The following LRIF1 variants were observed in gnomAD, a reference collection of about 807,000 sequenced individuals.
LRIF1 encodes ligand dependent nuclear receptor interacting factor 1.
In LRIF1, 32 loss-of-function variants were observed where a neutral mutation model predicts 52.7. That is an observed-to-expected ratio of 0.61 (90% confidence interval 0.46 to 0.82). The LOEUF (loss-of-function observed/expected upper bound fraction) is 0.82, where lower values mean the gene tolerates loss of function less well. LRIF1 is among the 40% of genes least tolerant of loss of function. The probability of loss-of-function intolerance (pLI) is 0.00; values close to 1 mark genes in which losing one functional copy is unlikely to be tolerated. For synonymous variants in LRIF1, 323 were observed against 317.4 expected (o/e 1.02, Z -0.19); for missense variants, 887 against 892.0 (o/e 0.99, Z 0.07).
chr1:110,948,020 T>C lies in LRIF1; in HGVS notation c.2249A>G (p.Gln750Arg). ...IRDEKIRRLK[Q>R]VLREKEAALE... ...AGCTGCTTCTTTCTCTCTCAGCACC[T>C]GCTTAAGTCTTCTTATTTTTTCATC... The change falls in exon 4 of 4, where the codon CAG (glutamine) becomes CGG (arginine). Residue 750 changes from glutamine to arginine, a missense_variant. Transcript: ENST00000369763. The C allele has an allele frequency of 3.1e-6, 5 of 1,610,252 alleles. No individual in the cohort carries two copies. Among genetic ancestry groups the C allele is most frequent in the Non-Finnish European group, 4.2e-6 (5 of 1,178,784 alleles).
chr1:110,959,113 C>T (rs1658840975), intron 1 of LRIF1, among the ~76,000 whole-genome samples: 1 of 152,206 alleles, frequency 6.6e-6, no homozygotes, highest in Non-Finnish European at 1.5e-5. Flanking sequence ...ATCCCATTTT[C>T]TAGTCTGGTC....
At chr1:110,922,933 A>G in the LRIF1 span, among the ~76,000 whole-genome samples, 1 of 152,116 alleles carries the variant, frequency 6.6e-6, no homozygotes, top group East Asian at 1.9e-4. Context: ...TCTCCTCCAT[A>G]GTCAAAGCTC....
chr1:110,886,604 T>A, the LRIF1 span, among the ~76,000 whole-genome samples: 1 of 152,002 alleles, frequency 6.6e-6, no homozygotes, highest in Non-Finnish European at 1.5e-5. Context: ...ATCCCAGCAC[T>A]TTGGGAGGCC....
the LRIF1 span, among the ~76,000 whole-genome samples, chr1:110,895,948 T>C: frequency 6.6e-6 from 1 of 152,294 alleles, no homozygotes; most frequent in Admixed American, 6.5e-5. Context: ...AATTTCTTAA[T>C]ACCACTAATA....
At position 110,947,848 on chromosome 1, in the gene LRIF1, A is replaced by G; in HGVS notation, c.*111T>C. The stretch of plus-strand genomic sequence containing the variant: ...TAAAGTTGTACAATCGACTGATGAA[A>G]AAACAAGCTTCATATTCAAAGACAC... On this transcript the variant is annotated 3_prime_UTR_variant, in exon 4 of 4. Transcript: ENST00000369763. 7.0e-7 allele frequency: 1 copy of G among 1,418,998 alleles called. No individual in the cohort carries two copies. Among genetic ancestry groups the G allele is most frequent in the Non-Finnish European group, 9.3e-7 (1 of 1,071,386 alleles). 87.9% of individuals were successfully genotyped at this position (1,418,998 alleles called of 1,614,324 possible).
the LRIF1 span, among the ~76,000 whole-genome samples, chr1:110,910,897 T>C: frequency 6.6e-6 from 1 of 152,126 alleles, no homozygotes; most frequent in Non-Finnish European, 1.5e-5. Flanking sequence ...TACATCAAGA[T>C]GTTAGAAAGG....
chr1:110,928,902 T>C, the LRIF1 span, among the ~76,000 whole-genome samples: 3 of 152,158 alleles, frequency 2.0e-5, no homozygotes, highest in African/African-American at 7.2e-5. Flanking sequence ...GCCATCTACT[T>C]TGAGTGAGAT....
the LRIF1 span, chr1:110,894,863 A>G: frequency 3.5e-6 from 3 of 849,058 alleles, no homozygotes; most frequent in Non-Finnish European, 6.0e-6. Flanking sequence ...TTGGAAGGGA[A>G]GCGCAAGTGG....
the LRIF1 span, chr1:110,938,625 A>T: frequency 6.6e-6 from 1 of 152,238 alleles, no homozygotes; most frequent in Admixed American, 6.5e-5. Context: ...AATAACTGAA[A>T]GCCTTTCCTC....
chr1:110,917,411 A>T, the LRIF1 span, among the ~76,000 whole-genome samples: 1 of 152,330 alleles, frequency 6.6e-6, no homozygotes, highest in South Asian at 2.1e-4. Context: ...AGTAAAATTT[A>T]TGTAACAAGT....
At chr1:110,879,243 T>C in the LRIF1 span, among the ~76,000 whole-genome samples, 3 of 152,222 alleles carry the variant, frequency 2.0e-5, no homozygotes, top group Non-Finnish European at 4.4e-5. Context: ...TGAGCCATCC[T>C]GGAAATAGTA....
the LRIF1 span, among the ~76,000 whole-genome samples, chr1:110,885,714 A>T: frequency 6.6e-6 from 1 of 151,396 alleles, no homozygotes; most frequent in Admixed American, 6.6e-5. Flanking sequence ...AACACAAAAA[A>T]TTAGCTGGGC....
chr1:110,963,453 G>A lies in LRIF1; in HGVS notation c.68+168C>T, dbSNP rs547201522. 1.3e-4 allele frequency: 66 copies of A among 505,526 alleles called. 2 individuals are homozygous for A. Among genetic ancestry groups the A allele is most frequent in the African/African-American group, 1.2e-3 (65 of 52,498 alleles). 31.3% of individuals were successfully genotyped at this position (505,526 alleles called of 1,614,324 possible). A position where few individuals can be genotyped will look rare whatever the true frequency, so the allele number is the denominator to read the frequency against. ...GGTTTTACATTTCCCAGAGGAAAGC[G>A]CTCTATGGGCTTTAAGCGCCGCGGA... is the stretch of plus-strand genomic sequence containing the variant. On this transcript the variant is annotated intron_variant, in intron 1 of 3. Transcript: ENST00000369763.
At position 110,955,797 on chromosome 1, in the gene LRIF1, T is replaced by C. The variant is rs187725527; in HGVS notation, c.69-2982A>G. On this transcript the variant is annotated intron_variant, in intron 1 of 3. Coordinates refer to ENST00000369763, the MANE Select transcript of LRIF1 (RefSeq NM_018372.4). ...GGAATCAAAGAAGGGATCTTTCCTT[T>C]TTCTTTGTTTAAGGTTAGATTAACC... 2.7e-4 allele frequency among the ~76,000 whole-genome samples: 41 copies of C among 152,332 alleles called. No individual in the cohort carries two copies. The East Asian group carries it at 5.0e-3, about 19-fold the overall frequency.
At chr1:110,945,656 A>G (rs1658187138), downstream of LRIF1, among the ~76,000 whole-genome samples, 1 of 152,166 alleles carries the variant, frequency 6.6e-6, no homozygotes, top group African/African-American at 2.4e-5. Flanking sequence ...CAAACTCCTT[A>G]CCTCAGGTGA....
At chr1:110,896,785 A>G in the LRIF1 span, 3 of 1,500,690 alleles carry the variant, frequency 2.0e-6, no homozygotes, top group Non-Finnish European at 2.8e-6. Flanking sequence ...TAAATGTTTA[A>G]TTACCTCGGA....
the LRIF1 span, chr1:110,940,096 G>A: frequency 6.6e-6 from 1 of 151,984 alleles, no homozygotes; most frequent in Non-Finnish European, 1.5e-5. Flanking sequence ...TCTGACAAGG[G>A]ATTAAAAACC....
Position 110,963,673 on chromosome 1 carries a change from G to A in LRIF1, c.16C>T (p.Arg6Trp), listed in dbSNP as rs777979628. MSNNL[R>W]RVFLKPAEEN... ...TCTGCGGGTTTCAGGAAGACCCTCCGTAGGTTATTTGACATTTTAGTGGGG... is the reference window on the plus strand; with the variant it reads ...TCTGCGGGTTTCAGGAAGACCCTCCATAGGTTATTTGACATTTTAGTGGGG... The change falls in exon 1 of 4, where the codon CGG (arginine) becomes TGG (tryptophan). Residue 6 changes from arginine (R) to tryptophan (W), a missense_variant. Arg to Trp is a moderately radical substitution (Grantham distance 101). Transcript: ENST00000369763. 2.5e-6 allele frequency: 4 copies of A among 1,608,060 alleles called. No homozygotes were observed. Among genetic ancestry groups the A allele is most frequent in the Non-Finnish European group, 3.4e-6 (4 of 1,175,552 alleles).
the LRIF1 span, chr1:110,899,003 T>C: frequency 1.5e-6 from 1 of 674,922 alleles, no homozygotes; most frequent in Middle Eastern, 2.5e-4. Context: ...TTGAAAGTAA[T>C]GGTTGGAAGG....
Sources: allele counts gnomAD v4.1 joint callset (sites outside exome capture counted in the v4.1 genomes callset), GRCh38; gene constraint gnomAD v4.1.1; transcripts MANE v1.5; gene names NCBI Gene and HGNC (gene_info 2026-07-23, HGNC 2026-07-21).